The following SLC18A1 variants were observed in gnomAD, a reference collection of about 807,000 sequenced individuals.
The protein encoded by SLC18A1 is solute carrier family 18 member A1, also known as chromaffin granule amine transporter.
SLC18A1 carries 69 observed loss-of-function variants against 53.7 expected under a neutral mutation model. That is an observed-to-expected ratio of 1.28 (90% CI 1.06 to 1.57). The LOEUF (loss-of-function observed/expected upper bound fraction) is 1.57. Ranked by LOEUF, SLC18A1 falls within the 40% of genes most tolerant of loss-of-function variation. The probability of loss-of-function intolerance (pLI) is 0.00; values close to 1 mark genes in which losing one functional copy is unlikely to be tolerated. For missense variants in SLC18A1, 932 were observed against 668.1 expected, an observed-to-expected ratio of 1.40 and a Z score of -4.35; for synonymous variants, 320 against 248.1, an observed-to-expected ratio of 1.29 and a Z score of -2.72.
chr8:20,180,031 T>C (rs1217224752), intron 2 of SLC18A1, among the ~76,000 whole-genome samples: 2 of 152,070 alleles, frequency 1.3e-5, no homozygotes. Context: ...GGCAAGTCAC[T>C]TAACACTTCT....
intron 2 of SLC18A1, among the ~76,000 whole-genome samples, 180 bp downstream of exon 2, chr8:20,180,661 G>C (rs1328700408): frequency 6.6e-6 from 1 of 152,172 alleles, no homozygotes; most frequent in Non-Finnish European, 1.5e-5. Flanking sequence ...AGCTGTGTTT[G>C]ACAAGTGTCA....
rs17215766 is a variant in SLC18A1, at chr8:20,147,315, G to A, written c.1407C>T (p.Ile469=). The change falls in exon 15 of 16, where the codon ATC becomes ATT. Residue 469 remains isoleucine (I), a synonymous_variant. Coordinates refer to ENST00000276373, the MANE Select transcript of SLC18A1 (RefSeq NM_003053.4). ...WLMVITGVIN[I]VYAPLCYYLR... The stretch of plus-strand genomic sequence containing the variant: ...GGTAGTAGCAGAGTGGAGCATAGAC[G>A]ATGTTGATGACCCCAGTGATGACCA... The A allele has an allele frequency of 1.5e-4, 244 of 1,613,650 alleles. No homozygotes were observed. In the African/African-American group the frequency reaches 2.5e-3, roughly 17 times the overall value.
In SLC18A1 at chr8:20,174,461, G is replaced by A. The variant is rs1268271087; in HGVS notation, c.548-17C>T. 3 of 1,591,138 alleles carry A rather than the reference G, an allele frequency of 1.9e-6. No homozygotes were observed. The highest frequency in any genetic ancestry group is 2.6e-6 in the Non-Finnish European group (3 of 1,159,406). On this transcript the variant is annotated splice_polypyrimidine_tract_variant and intron_variant, in intron 4 of 15. Transcript: ENST00000276373. ...AAGCAAACACTGGGCAGAGAGAATA[G>A]CAAGATAACTGCAGTTAGCAAATTG...
chr8:20,162,776 T>G (rs1299249980), intron 10 of SLC18A1, among the ~76,000 whole-genome samples: 1 of 152,192 alleles, frequency 6.6e-6, no homozygotes, highest in Non-Finnish European at 1.5e-5. Flanking sequence ...AACCAATGTC[T>G]AAAAAGATTC....
chr8:20,159,634 C>CAAAAAAAAAAAAAAAAAGAAAAA (rs2071768902), intron 10 of SLC18A1, among the ~76,000 whole-genome samples: 1 of 81,510 alleles, frequency 1.2e-5, no homozygotes, highest in Non-Finnish European at 2.8e-5. Flanking sequence ...TTGCAGCTGC[C>CAAAAAAAAAAAAAAAAAGAAAAA]AAAAAAAAAA....
At chr8:20,167,371 T>C (rs1368415292) in intron 8 of SLC18A1, among the ~76,000 whole-genome samples, 1 of 152,210 alleles carries the variant, frequency 6.6e-6, no homozygotes, top group Middle Eastern at 3.4e-3. Context: ...GTAAGTAAAT[T>C]TTTTAATCTA....
chr8:20,145,735 T>C lies in SLC18A1; in HGVS notation c.*28A>G, dbSNP rs1233604397. Reference sequence around the variant, plus strand: ...AGGGAAAGAGGTGGTCACTGAGGCATCATGAATTCAAGGAGCACCTTCTGC... The same window carrying C: ...AGGGAAAGAGGTGGTCACTGAGGCACCATGAATTCAAGGAGCACCTTCTGC... On this transcript the variant is annotated 3_prime_UTR_variant, in exon 16 of 16. Transcript: ENST00000276373. 7.0e-7 allele frequency: 1 copy of C among 1,434,062 alleles called. No individual in the cohort carries two copies. The highest frequency in any genetic ancestry group is 1.7e-5 in the Admixed American group (1 of 57,362). 88.8% of individuals were successfully genotyped at this position (1,434,062 alleles called of 1,614,324 possible). A position where few individuals can be genotyped will look rare whatever the true frequency, so the allele number is the denominator to read the frequency against.
intron 11 of SLC18A1, 109 bp downstream of exon 11, chr8:20,150,557 C>A (rs2071525051): frequency 2.1e-6 from 2 of 957,352 alleles, no homozygotes; most frequent in African/African-American, 3.2e-5. Flanking sequence ...GGTGTGTACT[C>A]ATCCTAAACT....
intron 14 of SLC18A1, 36 bp from the exon 15 acceptor site, chr8:20,147,427 G>T: frequency 6.3e-7 from 1 of 1,591,304 alleles, no homozygotes; most frequent in Non-Finnish European, 8.5e-7. Flanking sequence ...AGTGTCTATG[G>T]AGCCTCCATA....
At chr8:20,173,338 T>C (rs956560624) in intron 5 of SLC18A1, among the ~76,000 whole-genome samples, 5 of 152,190 alleles carry the variant, frequency 3.3e-5, no homozygotes. Context: ...GTTCAGAATA[T>C]TGTTGATAGT....
At chr8:20,165,952 C>G (rs1427742636) in intron 8 of SLC18A1, among the ~76,000 whole-genome samples, 2 of 151,998 alleles carry the variant, frequency 1.3e-5, no homozygotes, top group African/African-American at 4.8e-5. Flanking sequence ...GGTATGATAA[C>G]CCTCTCTGCA....
At chr8:20,153,681 A>AGAAGTGAG (rs2071615812) in intron 10 of SLC18A1, among the ~76,000 whole-genome samples, 1 of 151,760 alleles carries the variant, frequency 6.6e-6, no homozygotes, top group African/African-American at 2.4e-5. Context: ...AAAAAAAGAA[A>AGAAGTGAG]GAAGTGAGGA....
intron 8 of SLC18A1, among the ~76,000 whole-genome samples, chr8:20,169,389 C>T (rs796551840): frequency 3.4e-4 from 52 of 151,902 alleles, no homozygotes; most frequent in African/African-American, 9.7e-4. Flanking sequence ...AGAGTAGGCA[C>T]GGCAAATTAG....
chr8:20,154,698 C>T (rs1212625701), intron 10 of SLC18A1, among the ~76,000 whole-genome samples: 1 of 152,214 alleles, frequency 6.6e-6, no homozygotes, highest in Non-Finnish European at 1.5e-5. Flanking sequence ...TTTGAAAGAG[C>T]ACTGGGAAAT....
intron 10 of SLC18A1, among the ~76,000 whole-genome samples, chr8:20,153,790 G>A (rs985610964): frequency 2.0e-5 from 3 of 152,190 alleles, no homozygotes; most frequent in African/African-American, 7.2e-5. Flanking sequence ...CACCTGAGAA[G>A]GGAATATGTA....
intron 10 of SLC18A1, among the ~76,000 whole-genome samples, chr8:20,158,488 A>T: frequency 6.6e-6 from 1 of 152,134 alleles, no homozygotes; most frequent in Non-Finnish European, 1.5e-5. Context: ...GAAGGACAAT[A>T]TGGAGGAGCG....
At chr8:20,148,145 A>T in intron 12 of SLC18A1, 75 bp from the exon 13 acceptor site, 2 of 1,294,844 alleles carry the variant, frequency 1.5e-6, no homozygotes, top group Non-Finnish European at 2.2e-6. Flanking sequence ...GAGTTTTCAC[A>T]TGAAATGCAT....
chr8:20,173,949 T>C (rs1180733327), intron 5 of SLC18A1, among the ~76,000 whole-genome samples: 1 of 150,622 alleles, frequency 6.6e-6, no homozygotes, highest in Non-Finnish European at 1.5e-5. Flanking sequence ...CAGGCTGAAG[T>C]GCAGAGGCAC....
rs182760624 is a variant in SLC18A1, at chr8:20,160,048, C to T, written c.1015+4821G>A. ...TGCAGGCTAACAAAAAATACCATGG[C>T]AATTACAATTAAATTAAAAGTCAAC... On this transcript the variant is annotated intron_variant, in intron 10 of 15. Coordinates refer to ENST00000276373, the MANE Select transcript of SLC18A1 (RefSeq NM_003053.4). Among the ~76,000 whole-genome samples the T allele has an allele frequency of 8.0e-4, 121 of 152,028 alleles. 3 individuals are homozygous for T. The highest frequency in any genetic ancestry group is 2.9e-3 in the African/African-American group (120 of 41,444).
Sources: allele counts gnomAD v4.1 joint callset (sites outside exome capture counted in the v4.1 genomes callset), GRCh38; gene constraint gnomAD v4.1.1; transcripts MANE v1.5; gene names NCBI Gene and HGNC (gene_info 2026-07-23, HGNC 2026-07-21).